Variants in MTARC1 observed in about 807,000 individuals in gnomAD.
MTARC1 encodes the protein mitochondrial amidoxime reducing component 1.
In MTARC1, 24 loss-of-function variants were observed where a neutral mutation model predicts 33.6. The ratio of observed to expected loss-of-function variants is 0.72; its 90% CI spans 0.52 to 1.01. The LOEUF (loss-of-function observed/expected upper bound fraction) is 1.01. Among genes scored for constraint, MTARC1 ranks in the 50% least tolerant of loss-of-function variants. The pLI, the probability that MTARC1 is intolerant of heterozygous loss-of-function variation, is 0.00. For synonymous variants in MTARC1, 187 were observed against 189.5 expected (o/e 0.99, Z 0.11); for missense variants, 417 against 445.7 (o/e 0.94, Z 0.58).
rs1428570313 is a variant in MTARC1, at chr1:220,813,411, G to T, written c.1007G>T (p.Gly336Val). The T allele has an allele frequency of 5.6e-6, 9 of 1,614,062 alleles. No homozygotes were observed. The highest frequency in any genetic ancestry group is 5.9e-6 in the Non-Finnish European group (7 of 1,180,024). The change falls in exon 7 of 7, where the codon GGC becomes GTC. Residue 336 changes from glycine to valine, a missense_variant. By Grantham distance (109) the Gly-to-Val change is moderately radical. Transcript: ENST00000366910. ...IKVGDPVYLL[G>V]Q ...GTGGGAGACCCTGTGTACCTGCTGG[G>T]CCAGTAATGGGAACCGTATGTCCTG...
chr1:220,809,515 T>G (rs1673065987), intron 6 of MTARC1, among the ~76,000 whole-genome samples: 1 of 152,020 alleles, frequency 6.6e-6, no homozygotes, highest in Admixed American at 6.6e-5. Flanking sequence ...TTAATTTAAT[T>G]TATTTATTTA....
At chr1:220,807,024 C>A (rs1672991291) in intron 6 of MTARC1, among the ~76,000 whole-genome samples, 1 of 152,172 alleles carries the variant, frequency 6.6e-6, no homozygotes, top group South Asian at 2.1e-4. Context: ...CTAAGGGAAT[C>A]CCAACATTTT....
At position 220,791,563 on chromosome 1, in the gene MTARC1, C is replaced by T. The variant is rs1360253303; in HGVS notation, c.348C>T (p.Ser116=). 1 of 1,614,118 alleles carries T rather than the reference C, an allele frequency of 6.2e-7. No homozygotes were observed. The highest frequency in any genetic ancestry group is 8.5e-7 in the Non-Finnish European group (1 of 1,180,034). The change falls in exon 2 of 7, where the codon TCC becomes TCT. Residue 116 remains serine (S), a synonymous_variant. Transcript: ENST00000366910. ...AGGAACCTCGCCTGGTCCTGATTTC[C>T]CTGACCTGCGATGGTGACACCCTGA... ...ARQEPRLVLI[S]LTCDGDTLTL...
chr1:220,804,918 C>G, intron 4 of MTARC1, 134 bp from the exon 5 acceptor site: 1 of 941,460 alleles, frequency 1.1e-6, no homozygotes, highest in South Asian at 1.4e-5. Flanking sequence ...CAGAGCAGGG[C>G]TGGGGGAGAA....
chr1:220,806,900 G>A (rs1672988742), intron 6 of MTARC1, among the ~76,000 whole-genome samples: 2 of 152,206 alleles, frequency 1.3e-5, no homozygotes, highest in African/African-American at 4.8e-5. Flanking sequence ...GGAGAAGGGG[G>A]TTTGTGGTAC....
Position 220,798,317 on chromosome 1 carries a change from C to T in MTARC1, c.753+303C>T, listed in dbSNP as rs142272849. On this transcript the variant is annotated intron_variant, in intron 4 of 6. Coordinates refer to ENST00000366910, the MANE Select transcript of MTARC1 (RefSeq NM_022746.4). Reference sequence around the variant, plus strand: ...CATTTTCTTGCATAGACTACATGATCTGTGTGGGCCATGGAACAAAGAAAG... The same window carrying T: ...CATTTTCTTGCATAGACTACATGATTTGTGTGGGCCATGGAACAAAGAAAG... 1.4e-5 allele frequency: 18 copies of T among 1,258,540 alleles called. No individual in the cohort carries two copies. In the African/African-American group the frequency reaches 2.3e-4, roughly 16 times the overall value. The allele number at this position is 1,258,540 out of a possible 1,614,324, so 78.0% of individuals were successfully genotyped here.
At position 220,815,457 on chromosome 1, in the gene MTARC1, G is replaced by A. The variant is rs553304163; in HGVS notation, c.*2039G>A. 6.6e-6 allele frequency: 1 copy of A among 152,248 alleles called. No homozygotes were observed. Among genetic ancestry groups the A allele is most frequent in the Non-Finnish European group, 1.5e-5 (1 of 68,084 alleles). The allele number at this position is 152,248 out of a possible 1,614,324, so 9.4% of individuals were successfully genotyped here. A position where few individuals can be genotyped will look rare whatever the true frequency, so the allele number is the denominator to read the frequency against. On this transcript the variant is annotated 3_prime_UTR_variant, in exon 7 of 7. Coordinates refer to ENST00000366910, the MANE Select transcript of MTARC1 (RefSeq NM_022746.4). Reference sequence around the variant, plus strand: ...GGCTCTCGGGGTAGCTAGCTCTGCAGGGCAGCACCCACGTGGAAGGGAGCA... The same window carrying A: ...GGCTCTCGGGGTAGCTAGCTCTGCAAGGCAGCACCCACGTGGAAGGGAGCA...
chr1:220,793,071 T>A (rs1231401512), intron 2 of MTARC1: 1 of 152,246 alleles, frequency 6.6e-6, no homozygotes. Flanking sequence ...AGGCTTTTGA[T>A]ACACCTTGCT....
chr1:220,793,093 A>G (rs1672482742), intron 2 of MTARC1: 4 of 152,244 alleles, frequency 2.6e-5, no homozygotes. Flanking sequence ...AATTGTTTGC[A>G]GAATGGTTTT....
chr1:220,804,993 C>G, intron 4 of MTARC1, 59 bp from the exon 5 acceptor site: 1 of 1,578,866 alleles, frequency 6.3e-7, no homozygotes, highest in Non-Finnish European at 8.7e-7. Flanking sequence ...GAAATCTCTA[C>G]ACACGTGTCA....
Position 220,792,651 on chromosome 1 carries a change from AG to A in MTARC1, c.449+988del, listed in dbSNP as rs59301251. Among the ~76,000 whole-genome samples, 509 of 139,758 alleles carry A rather than the reference AG, an allele frequency of 3.6e-3. 2 individuals are homozygous for A. Among genetic ancestry groups the A allele is most frequent in the Middle Eastern group, 0.011 (3 of 270 alleles). The allele number at this position is 139,758 out of a possible 152,430, so 91.7% of individuals were successfully genotyped here. Reference sequence around the variant, plus strand: ...ATTGTTGAAAATTTGGGAAATACCAAGAAAAAAAAAAAAAAGAAACAAAAAC... The same window carrying A: ...ATTGTTGAAAATTTGGGAAATACCAAAAAAAAAAAAAAAAGAAACAAAAAC... On this transcript the variant is annotated intron_variant, in intron 2 of 6. Transcript: ENST00000366910.
Position 220,790,642 on chromosome 1 carries a change from C to T in MTARC1, c.276-849C>T, listed in dbSNP as rs114098904. Reference sequence around the variant, plus strand: ...TGATGCAAGAAATATCTTGAACGACCTAAAGTACCGGCCATATTTTTTTCT... The same window carrying T: ...TGATGCAAGAAATATCTTGAACGACTTAAAGTACCGGCCATATTTTTTTCT... On this transcript the variant is annotated intron_variant, in intron 1 of 6. Transcript: ENST00000366910. 7.8e-3 allele frequency among the ~76,000 whole-genome samples: 1,185 copies of T among 152,262 alleles called. 22 individuals are homozygous for T. The highest frequency in any genetic ancestry group is 0.026 in the African/African-American group (1,095 of 41,538).
intron 2 of MTARC1, among the ~76,000 whole-genome samples, chr1:220,796,432 T>G (rs369066950): frequency 2.0e-5 from 3 of 152,334 alleles, no homozygotes; most frequent in South Asian, 4.1e-4. Context: ...ATTTTTAAAA[T>G]GAGGAAAGCA....
intron 6 of MTARC1, among the ~76,000 whole-genome samples, chr1:220,811,058 TGA>T (rs755088418): frequency 2.0e-5 from 3 of 152,218 alleles, no homozygotes; most frequent in Non-Finnish European, 4.4e-5. Flanking sequence ...CCCAAGATAA[TGA>T]GAGTCTGGAC....
chr1:220,806,252 C>A (rs1031949506), intron 6 of MTARC1, among the ~76,000 whole-genome samples: 1 of 152,144 alleles, frequency 6.6e-6, no homozygotes, highest in Non-Finnish European at 1.5e-5. Flanking sequence ...TTCATTGGTC[C>A]CTTTGACATT....
chr1:220,798,786 G>C (rs893095118), intron 4 of MTARC1: 7 of 902,742 alleles, frequency 7.8e-6, no homozygotes, highest in Non-Finnish European at 9.3e-6. Context: ...AGAGGTAAAG[G>C]GGACCATATA....
rs1170786638 is a variant in MTARC1 at position 220,817,415 on chromosome 1, C to G, written c.*3997C>G. ...TTCGGAAGGGGACCCAAATGGGCTG[C>G]TGCTGCTGGCTGGGGTGGCCACCTT... On this transcript the variant is annotated 3_prime_UTR_variant, in exon 7 of 7. Coordinates refer to ENST00000366910, the MANE Select transcript of MTARC1 (RefSeq NM_022746.4). The G allele has an allele frequency of 6.6e-6, 1 of 152,370 alleles. No homozygotes were observed. Among genetic ancestry groups the G allele is most frequent in the African/African-American group, 2.4e-5 (1 of 41,450 alleles). 9.4% of individuals were successfully genotyped at this position (152,370 alleles called of 1,614,324 possible). A position where few individuals can be genotyped will look rare whatever the true frequency, so the allele number is the denominator to read the frequency against.
At chr1:220,794,835 CAG>C (rs1238738824) in intron 2 of MTARC1, among the ~76,000 whole-genome samples, 3 of 152,066 alleles carry the variant, frequency 2.0e-5, no homozygotes, top group African/African-American at 7.2e-5. Context: ...GGTGGGGTGA[CAG>C]TGTGTGAAAA....
chr1:220,806,248 G>T (rs1000844394), intron 6 of MTARC1, among the ~76,000 whole-genome samples: 2 of 152,126 alleles, frequency 1.3e-5, no homozygotes, highest in African/African-American at 2.4e-5. Context: ...TCTCTTCATT[G>T]GTCCCTTTGA....
Sources: allele counts gnomAD v4.1 joint callset (sites outside exome capture counted in the v4.1 genomes callset), GRCh38; gene constraint gnomAD v4.1.1; transcripts MANE v1.5; gene names NCBI Gene and HGNC (gene_info 2026-07-23, HGNC 2026-07-21).